ITFG2: variants seen among roughly 807,000 people sequenced by gnomAD.
ITFG2 encodes the protein integrin alpha FG-GAP repeat containing 2.
ITFG2 carries 36 observed loss-of-function variants against 54.4 expected under a neutral mutation model. The ratio of observed to expected loss-of-function variants is 0.66; its 90% CI spans 0.51 to 0.87. The LOEUF is 0.87. Among genes scored for constraint, ITFG2 ranks in the 40% least tolerant of loss-of-function variants. ITFG2 has a pLI of 0.00. For synonymous variants in ITFG2, 211 were observed against 225.4 expected, an observed-to-expected ratio of 0.94 and a Z score of 0.57; for missense variants, 524 against 576.7, an observed-to-expected ratio of 0.91 and a Z score of 0.94.
chr12:2,830,906 G>A, downstream of ITFG2: 1 of 1,588,832 alleles, frequency 6.3e-7, no homozygotes, highest in Non-Finnish European at 8.6e-7. Flanking sequence ...CTAAACCCAG[G>A]CATCCAGGCT....
intron 2 of ITFG2, among the ~76,000 whole-genome samples, chr12:2,851,639 G>A (rs1212583979): frequency 2.6e-5 from 4 of 151,926 alleles, no homozygotes; most frequent in Non-Finnish European, 5.9e-5. Flanking sequence ...CACCACGCCC[G>A]GCCGCTAAAT....
At chr12:2,827,526 TC>T, downstream of ITFG2, 1 of 1,588,700 alleles carries the variant, frequency 6.3e-7, no homozygotes, top group African/African-American at 1.4e-5. This position sits in a 1 kb window ranked among gnomAD's most constrained non-coding sequence, Gnocchi z 4.0. Flanking sequence ...GTTGCCCATC[TC>T]TAAGTCACTC....
exon 1 of ITFG2, chr12:2,836,902 CAGAA>C (rs1006488367): frequency 1.2e-4 from 19 of 152,224 alleles, no homozygotes; most frequent in Non-Finnish European, 2.5e-4. Context: ...TTACAGCTGT[CAGAA>C]GGAACCAACC....
intron 5 of ITFG2, 101 bp downstream of exon 5, chr12:2,820,326 G>A (rs2097939085): frequency 1.4e-6 from 2 of 1,393,060 alleles, no homozygotes; most frequent in Admixed American, 2.9e-5. Flanking sequence ...CCAGGGTGGG[G>A]AGAAGTGAAA....
At chr12:2,832,407 A>T (rs956169496), upstream of ITFG2, among the ~76,000 whole-genome samples, 7 of 150,292 alleles carry the variant, frequency 4.7e-5, no homozygotes, top group African/African-American at 1.7e-4. Context: ...CCATGTCTTC[A>T]CTCCTCTCTC....
intron 1 of ITFG2, among the ~76,000 whole-genome samples, chr12:2,815,695 C>T (rs188614973): frequency 2.0e-5 from 3 of 152,300 alleles, no homozygotes; most frequent in Admixed American, 2.0e-4. Flanking sequence ...ATTCAAAGAG[C>T]CAAAGTCAGG....
chr12:2,828,285 A>G (rs115477015), downstream of ITFG2: 4,563 of 1,538,318 alleles, frequency 3.0e-3, 117 homozygotes, highest in African/African-American at 0.055. Context: ...TCATCACCCC[A>G]AAAAGAAACC....
chr12:2,833,018 G>T (rs1201051773), upstream of ITFG2, among the ~76,000 whole-genome samples: 1 of 151,772 alleles, frequency 6.6e-6, no homozygotes, highest in South Asian at 2.1e-4. Context: ...GGCCCCTCCC[G>T]CTGTTGTGCA....
At chr12:2,833,148 G>C (rs1464102385), upstream of ITFG2, among the ~76,000 whole-genome samples, 1 of 152,066 alleles carries the variant, frequency 6.6e-6, no homozygotes, top group Non-Finnish European at 1.5e-5. Flanking sequence ...CCTAGGCAGA[G>C]GGGAGAGGTG....
chr12:2,849,194 G>A (rs752346322), intron 2 of ITFG2: 1 of 1,509,090 alleles, frequency 6.6e-7, no homozygotes, highest in South Asian at 1.3e-5. Context: ...GGAGCCTGGG[G>A]CTCTGGGTAT....
At chr12:2,822,740 C>G in intron 9 of ITFG2, 54 bp from the exon 10 acceptor site, 1 of 1,478,692 alleles carries the variant, frequency 6.8e-7, no homozygotes, top group Non-Finnish European at 9.4e-7. Flanking sequence ...TGTTTGTCAT[C>G]CAGAATCCAG....
chr12:2,822,428 T>C (rs1438008449), intron 9 of ITFG2, among the ~76,000 whole-genome samples: 3 of 152,192 alleles, frequency 2.0e-5, no homozygotes, highest in African/African-American at 7.2e-5. Flanking sequence ...GTTTTTCTTG[T>C]CCATATATGA....
At chr12:2,818,332 G>T in intron 4 of ITFG2, 55 bp downstream of exon 4, 1 of 1,600,624 alleles carries the variant, frequency 6.2e-7, no homozygotes. Context: ...GTGGATACTA[G>T]AGCATATCCC....
intron 2 of ITFG2, chr12:2,855,346 T>G: frequency 7.8e-7 from 1 of 1,280,260 alleles, no homozygotes; most frequent in Non-Finnish European, 1.0e-6. Context: ...GTGGTAGGCT[T>G]GCCGGGTGAA....
At chr12:2,851,734 A>C (rs921180533) in intron 2 of ITFG2, among the ~76,000 whole-genome samples, 5 of 151,402 alleles carry the variant, frequency 3.3e-5, no homozygotes, top group Non-Finnish European at 5.9e-5. Context: ...GCTGGAATGC[A>C]GTGGCGTGAT....
At position 2,845,115 on chromosome 12, in the gene ITFG2, G is replaced by T. The variant is rs1440597741; in HGVS notation, n.300+4120G>T. 6.6e-6 allele frequency among the ~76,000 whole-genome samples: 1 copy of T among 151,340 alleles called. No homozygotes were observed. The highest frequency in any genetic ancestry group is 2.4e-5 in the African/African-American group (1 of 41,126). On this transcript the variant is annotated intron_variant and non_coding_transcript_variant, in intron 2 of 3. Coordinates refer to the ITFG2 transcript ENST00000537710. This position sits in a 1 kb window ranked among gnomAD's most constrained non-coding sequence, Gnocchi z 4.2. ...GTAATGAAAAGAGCAAATGTGTGCG[G>T]CTCGGTGGCAGCACAACTAAGGACA...
downstream of ITFG2, chr12:2,825,155 C>G (rs2097960406): frequency 6.6e-6 from 1 of 152,158 alleles, no homozygotes; most frequent in Non-Finnish European, 1.5e-5. Flanking sequence ...AAAATGTATT[C>G]CTGCTGTGGT....
chr12:2,854,980 A>G, intron 2 of ITFG2: 1 of 1,535,496 alleles, frequency 6.5e-7, no homozygotes, highest in Admixed American at 2.0e-5. Context: ...GAGCTTCTCC[A>G]CCTCCTTCAA....
At chr12:2,827,299 A>G (rs772802449), downstream of ITFG2, 1 of 1,613,356 alleles carries the variant, frequency 6.2e-7, no homozygotes, top group Non-Finnish European at 8.5e-7. This position sits in a 1 kb window ranked among gnomAD's most constrained non-coding sequence, Gnocchi z 4.0. Flanking sequence ...TCGATGCAGC[A>G]CTGCGGGGTG....
Sources: allele counts gnomAD v4.1 joint callset (sites outside exome capture counted in the v4.1 genomes callset), GRCh38; gene constraint gnomAD v4.1.1; non-coding constraint Gnocchi (gnomAD v3.1); transcripts MANE v1.5; gene names NCBI Gene and HGNC (gene_info 2026-07-23, HGNC 2026-07-21).